The following RELL1 variants were observed in gnomAD, a reference collection of about 807,000 sequenced individuals.
RELL1 encodes the protein RELT like 1.
In RELL1, 10 loss-of-function variants were observed where a neutral mutation model predicts 23.0. The ratio of observed to expected loss-of-function variants is 0.43; its 90% CI spans 0.27 to 0.74. RELL1 has a LOEUF of 0.74. Ranked by LOEUF, RELL1 falls within the 30% of genes least tolerant of loss-of-function variation. The pLI is 0.19. For missense variants in RELL1, 315 were observed against 364.4 expected (o/e 0.86, Z 1.10); for synonymous variants, 146 against 146.8 (o/e 0.99, Z 0.04).
chr4:37,628,210 C>A (rs1720015490), intron 6 of RELL1, among the ~76,000 whole-genome samples: 2 of 152,178 alleles, frequency 1.3e-5, no homozygotes, highest in Admixed American at 1.3e-4. Flanking sequence ...ATGGGACCTG[C>A]TCGTCTTGGA....
At chr4:37,684,019 T>C (rs1036217862) in intron 1 of RELL1, among the ~76,000 whole-genome samples, 2 of 152,092 alleles carry the variant, frequency 1.3e-5, no homozygotes, top group Non-Finnish European at 2.9e-5. Context: ...AGGCGGAGCT[T>C]GCAGTGAGAT....
chr4:37,608,646 A>AT (rs35471488), downstream of RELL1, among the ~76,000 whole-genome samples: 42,211 of 142,162 alleles, frequency 0.3, 7,470 homozygotes, highest in Non-Finnish European at 0.4. Context: ...TTTAAATTTA[A>AT]TTTTTTTTTT....
rs777989836 is a variant in RELL1, at chr4:37,631,480, G to A, written c.724C>T (p.Arg242Trp). 18 of 1,614,054 alleles carry A rather than the reference G, an allele frequency of 1.1e-5. No homozygotes were observed. The highest frequency in any genetic ancestry group is 5.0e-5 in the Admixed American group (3 of 60,006). Reference sequence around the variant, plus strand: ...CCACTAACAGACATCAGGCTTCTCCGTTCCTTCTGGTTTGACTTGTGCTCC... The same window carrying A: ...CCACTAACAGACATCAGGCTTCTCCATTCCTTCTGGTTTGACTTGTGCTCC... ...KVEHKSNQKE[R>W]RSLMSVSGAE... The change falls in exon 6 of 7, where the codon CGG (arginine) becomes TGG (tryptophan). Residue 242 changes from arginine (R) to tryptophan (W), a missense_variant. Arg to Trp is a moderately radical substitution (Grantham distance 101). Coordinates refer to ENST00000454158, the MANE Select transcript of RELL1 (RefSeq NM_001085400.2).
At chr4:37,604,894 C>T (rs1175271178) in intron 6 of RELL1, among the ~76,000 whole-genome samples, 2 of 77,468 alleles carry the variant, frequency 2.6e-5, no homozygotes, top group African/African-American at 6.2e-5. Context: ...CACAGACACA[C>T]ACACAGACAC....
At chr4:37,662,758 G>A (rs1295793001) in intron 1 of RELL1, among the ~76,000 whole-genome samples, 1 of 151,922 alleles carries the variant, frequency 6.6e-6, no homozygotes, top group African/African-American at 2.4e-5. Flanking sequence ...GACAGCTACA[G>A]CCACCCCCAT....
At chr4:37,669,588 A>C (rs1437641261) in intron 1 of RELL1, among the ~76,000 whole-genome samples, 1 of 152,172 alleles carries the variant, frequency 6.6e-6, no homozygotes, top group African/African-American at 2.4e-5. Context: ...TGTGGAATAG[A>C]AAGGGGGGAA....
chr4:37,593,496 G>A (rs1430353804), intron 6 of RELL1, among the ~76,000 whole-genome samples: 1 of 151,894 alleles, frequency 6.6e-6, no homozygotes, highest in Non-Finnish European at 1.5e-5. Flanking sequence ...AAAGAATAAA[G>A]GAATAAAAAC....
downstream of RELL1, among the ~76,000 whole-genome samples, chr4:37,605,793 G>GAGAGAGAGAGAGAGAA (rs1269670059): frequency 5.5e-5 from 5 of 90,304 alleles, no homozygotes; most frequent in African/African-American, 1.5e-4. Context: ...GAGAAAGAAA[G>GAGAGAGAGAGAGAGAA]AGAAAGAAAG....
chr4:37,606,067 A>C (rs1447836533), downstream of RELL1, among the ~76,000 whole-genome samples: 1 of 149,898 alleles, frequency 6.7e-6, no homozygotes, highest in Non-Finnish European at 1.5e-5. The surrounding 1 kb of genome is among the most constrained non-coding windows in gnomAD (Gnocchi z 4.1). Context: ...GAAGGAAGGA[A>C]AAAGATGCAA....
chr4:37,626,139 C>T (rs1719936293), intron 6 of RELL1, among the ~76,000 whole-genome samples: 1 of 152,086 alleles, frequency 6.6e-6, no homozygotes, highest in Non-Finnish European at 1.5e-5. Context: ...TGGGAATATA[C>T]ATTATTACAG....
At chr4:37,636,483 T>C (rs1167445443) in intron 4 of RELL1, among the ~76,000 whole-genome samples, 1 of 150,782 alleles carries the variant, frequency 6.6e-6, no homozygotes, top group African/African-American at 2.4e-5. Context: ...TAGTCCCAGC[T>C]AATCGGGAGG....
chr4:37,596,817 T>C (rs76448128), intron 6 of RELL1, among the ~76,000 whole-genome samples: 4,636 of 139,920 alleles, frequency 0.033, 200 homozygotes, highest in East Asian at 0.25. Flanking sequence ...GGCACGATCT[T>C]GGCTCACTGC....
chr4:37,652,236 G>A (rs574972835), intron 1 of RELL1, among the ~76,000 whole-genome samples: 64 of 152,308 alleles, frequency 4.2e-4, no homozygotes, highest in African/African-American at 1.5e-3. Context: ...CTTTGAACAT[G>A]AAAGGAAATA....
chr4:37,615,380 C>T (rs764951708), intron 6 of RELL1, among the ~76,000 whole-genome samples: 1 of 152,210 alleles, frequency 6.6e-6, no homozygotes, highest in Non-Finnish European at 1.5e-5. Flanking sequence ...TACAAACACA[C>T]ATTTATTAGA....
At chr4:37,681,894 T>C (rs1235186861) in intron 1 of RELL1, among the ~76,000 whole-genome samples, 7 of 152,174 alleles carry the variant, frequency 4.6e-5, no homozygotes, top group Non-Finnish European at 7.3e-5. Context: ...CACCATAGCA[T>C]CCCATGACCT....
downstream of RELL1, among the ~76,000 whole-genome samples, chr4:37,609,144 C>T (rs1261676956): frequency 6.6e-6 from 1 of 152,176 alleles, no homozygotes; most frequent in Non-Finnish European, 1.5e-5. Flanking sequence ...ACCTCAAAAG[C>T]ACAGGCTCTC....
At chr4:37,638,954 C>T (rs1487298632) in intron 3 of RELL1, among the ~76,000 whole-genome samples, 1 of 152,094 alleles carries the variant, frequency 6.6e-6, no homozygotes. Context: ...CTTGTATGTG[C>T]CAAAATAATT....
intron 6 of RELL1, chr4:37,623,012 C>T (rs1271626500): frequency 5.0e-5 from 18 of 357,174 alleles, no homozygotes. Context: ...ACCGTGTTGT[C>T]CAGGCTGGTC....
intron 1 of RELL1, among the ~76,000 whole-genome samples, chr4:37,669,172 G>A (rs1428472041): frequency 2.7e-5 from 1 of 36,928 alleles, no homozygotes; most frequent in African/African-American, 9.5e-5. Context: ...GCCCCGTCCG[G>A]GAGGGAGGTG....
Sources: gnomAD v4.1 joint callset for allele counts (sites outside exome capture counted in the v4.1 genomes callset) on GRCh38, gnomAD v4.1.1 for gene constraint, Gnocchi (gnomAD v3.1) non-coding constraint, MANE v1.5 for transcripts, NCBI Gene and HGNC (gene_info 2026-07-23, HGNC 2026-07-21) for gene names.